The following FMO3 variants were observed in gnomAD, a reference collection of about 807,000 sequenced individuals.
The protein encoded by FMO3 is flavin containing dimethylaniline monoxygenase 3, also known as flavin-containing monooxygenase 3.
Under a neutral mutation model 39.4 loss-of-function variants are expected in FMO3, and 40 were observed. The ratio of observed to expected loss-of-function variants is 1.02; its 90% CI spans 0.79 to 1.32. FMO3 has a LOEUF of 1.32. FMO3 is among the 40% of genes most tolerant of loss of function. FMO3 has a pLI of 0.00. For synonymous variants in FMO3, 219 were observed against 228.8 expected, an observed-to-expected ratio of 0.96 and a Z score of 0.39; for missense variants, 680 against 651.8, an observed-to-expected ratio of 1.04 and a Z score of -0.47.
intron 2 of FMO3, among the ~76,000 whole-genome samples, chr1:171,095,380 G>C (rs1192356013): frequency 6.6e-6 from 1 of 152,076 alleles, no homozygotes; most frequent in African/African-American, 2.4e-5. Flanking sequence ...TTCATGTGTT[G>C]CCAAACAGCA....
chr1:171,096,091 ATATTTT>A (rs1655015697), intron 2 of FMO3, among the ~76,000 whole-genome samples: 3 of 71,996 alleles, frequency 4.2e-5, no homozygotes, highest in Non-Finnish European at 6.9e-5. Flanking sequence ...ATATATATTA[ATATTTT>A]TATATAATTA....
chr1:171,094,470 C>A (rs543987833), intron 2 of FMO3, among the ~76,000 whole-genome samples: 1 of 152,146 alleles, frequency 6.6e-6, no homozygotes, highest in Non-Finnish European at 1.5e-5. Flanking sequence ...TTTAGATTGT[C>A]TATTTTTATT....
At chr1:171,110,684 C>G (rs1655864799) in intron 5 of FMO3, 114 bp from the exon 6 acceptor site, 2 of 983,396 alleles carry the variant, frequency 2.0e-6, no homozygotes, top group Non-Finnish European at 3.3e-6. Flanking sequence ...TCTTCTGACA[C>G]CACTTTCTGC....
At chr1:171,094,018 A>G (rs1654841648) in intron 2 of FMO3, among the ~76,000 whole-genome samples, 1 of 151,498 alleles carries the variant, frequency 6.6e-6, no homozygotes, top group African/African-American at 2.4e-5. Flanking sequence ...TAGTAGAGAC[A>G]GAGTTTCGCC....
At chr1:171,094,384 G>A (rs1304680654) in intron 2 of FMO3, among the ~76,000 whole-genome samples, 1 of 151,986 alleles carries the variant, frequency 6.6e-6, no homozygotes, top group Non-Finnish European at 1.5e-5. Flanking sequence ...TGAATGCATA[G>A]CTTGCAAATA....
At chr1:171,096,049 A>ATATATATT (rs1240961982) in intron 2 of FMO3, among the ~76,000 whole-genome samples, 1 of 47,438 alleles carries the variant, frequency 2.1e-5, no homozygotes, top group Non-Finnish European at 2.9e-5. Flanking sequence ...ATTATATATA[A>ATATATATT]ATATATAATA....
chr1:171,114,309 C>T lies in FMO3; in HGVS notation c.1130C>T (p.Ala377Val), dbSNP rs760983079. Residue 377 changes from alanine to valine, a missense_variant, in exon 7 of 9, where the codon GCT becomes GTT. Ala to Val is a moderately conservative substitution (Grantham distance 64). Transcript: ENST00000367755. ...AVIGFVQSLG[A>V]AIPTVDLQSR... ...ATTGGCTTTGTCCAGTCCCTTGGGG[C>T]TGCCATTCCCACAGTTGACCTCCAG... The T allele has an allele frequency of 1.9e-6, 3 of 1,613,918 alleles. No homozygotes were observed. Among genetic ancestry groups the T allele is most frequent in the South Asian group, 2.2e-5 (2 of 91,082 alleles).
Position 171,110,879 on chromosome 1 carries a change from A to T in FMO3, c.709A>T (p.Thr237Ser). The change falls in exon 6 of 9, where the codon ACT becomes TCT. Residue 237 changes from threonine to serine, a missense_variant. Thr to Ser is a moderately conservative substitution (Grantham distance 58). Coordinates refer to ENST00000367755, the MANE Select transcript of FMO3 (RefSeq NM_001002294.3). ...NGYPWDMLLV[T>S]RFGTFLKNNL... ...TTATCCTTGGGACATGCTGCTCGTC[A>T]CTCGATTTGGAACCTTCCTCAAGAA... The T allele has an allele frequency of 2.5e-6, 4 of 1,613,930 alleles. No individual in the cohort carries two copies. The highest frequency in any genetic ancestry group is 3.4e-6 in the Non-Finnish European group (4 of 1,179,918).
chr1:171,105,844 A>G (rs1290002179), intron 3 of FMO3, among the ~76,000 whole-genome samples: 1 of 152,162 alleles, frequency 6.6e-6, no homozygotes, highest in Non-Finnish European at 1.5e-5. Flanking sequence ...AAATCAAAAG[A>G]AAACTCTCGC....
At chr1:171,107,599 T>C (rs28363545) in intron 3 of FMO3, 76 bp from the exon 4 acceptor site, 93,758 of 1,199,392 alleles carry the variant, frequency 0.078, 5,736 homozygotes, top group Admixed American at 0.25. Context: ...TAACCCACTT[T>C]TCTTTTTTCA....
At chr1:171,096,782 TTAA>T (rs1655110659) in intron 2 of FMO3, among the ~76,000 whole-genome samples, 1 of 90,964 alleles carries the variant, frequency 1.1e-5, no homozygotes, top group Non-Finnish European at 2.2e-5. Flanking sequence ...TATAATTATA[TTAA>T]AAATATATAT....
intron 5 of FMO3, among the ~76,000 whole-genome samples, chr1:171,109,395 T>C (rs1276290522): frequency 6.6e-6 from 1 of 152,120 alleles, no homozygotes; most frequent in African/African-American, 2.4e-5. Context: ...GCTTCTTGGG[T>C]TTAGGAAATT....
chr1:171,114,510 AG>A, intron 7 of FMO3, 148 bp downstream of exon 7: 1 of 681,886 alleles, frequency 1.5e-6, no homozygotes, highest in Non-Finnish European at 2.6e-6. Flanking sequence ...ATATTTTGTT[AG>A]CAATTTAAAG....
At chr1:171,109,149 G>C (rs1655783615) in intron 5 of FMO3, among the ~76,000 whole-genome samples, 1 of 152,122 alleles carries the variant, frequency 6.6e-6, no homozygotes, top group Non-Finnish European at 1.5e-5. Flanking sequence ...TAACAGAAAG[G>C]ATAAATGAGG....
chr1:171,117,165 T>C lies in FMO3; in HGVS notation c.1322T>C (p.Ile441Thr), dbSNP rs535435928. ...IVYMDELSSF[I>T]GAKPNIPWLF... is the part of the protein sequence containing the mutation. The stretch of plus-strand genomic sequence containing the variant: ...TATATGGATGAACTCTCCTCCTTCA[T>C]TGGGGCAAAGCCCAACATCCCATGG... Residue 441 changes from isoleucine to threonine, a missense_variant, in exon 9 of 9, where the codon ATT (isoleucine) becomes ACT (threonine). Coordinates refer to ENST00000367755, the MANE Select transcript of FMO3 (RefSeq NM_001002294.3). 5.2e-5 allele frequency: 84 copies of C among 1,614,190 alleles called. No individual in the cohort carries two copies. The highest frequency in any genetic ancestry group is 3.5e-4 in the African/African-American group (26 of 75,060).
rs1656229607 is a variant in FMO3 at position 171,117,780 on chromosome 1, T to TA, written c.*341dup. The TA allele has an allele frequency of 5.2e-6, 1 of 192,064 alleles. No homozygotes were observed. Among genetic ancestry groups the TA allele is most frequent in the Non-Finnish European group, 1.1e-5 (1 of 93,320 alleles). The allele number at this position is 192,064 out of a possible 1,614,324, so 11.9% of individuals were successfully genotyped here. On this transcript the variant is annotated 3_prime_UTR_variant, in exon 9 of 9. Coordinates refer to ENST00000367755, the MANE Select transcript of FMO3 (RefSeq NM_001002294.3). ...TAAACAATGTATGAAAGATGTATTT[T>TA]AAATCTAAATAAAGAGCAAATTAAG...
intron 6 of FMO3, among the ~76,000 whole-genome samples, chr1:171,112,516 T>C (rs548612060): frequency 6.6e-6 from 1 of 152,246 alleles, no homozygotes; most frequent in South Asian, 2.1e-4. Flanking sequence ...GGATTTTCTG[T>C]GGACTGGATA....
chr1:171,091,027 A>C (rs1211533398), intron 1 of FMO3, 46 bp downstream of exon 1: 18 of 152,266 alleles, frequency 1.2e-4, no homozygotes, highest in Admixed American at 1.2e-3. Flanking sequence ...GGAGCTTGAG[A>C]CCAGCCTGAC....
intron 2 of FMO3, among the ~76,000 whole-genome samples, chr1:171,095,638 G>A (rs933950125): frequency 6.7e-6 from 1 of 149,524 alleles, no homozygotes; most frequent in Non-Finnish European, 1.5e-5. Flanking sequence ...ATAAAGACAT[G>A]AGATATCATT....
Sources: allele counts gnomAD v4.1 joint callset (sites outside exome capture counted in the v4.1 genomes callset), GRCh38; gene constraint gnomAD v4.1.1; transcripts MANE v1.5; gene names NCBI Gene and HGNC (gene_info 2026-07-23, HGNC 2026-07-21).